The following NDUFA9 variants were observed in gnomAD, a reference collection of about 807,000 sequenced individuals.
The protein encoded by NDUFA9 is NADH:ubiquinone oxidoreductase subunit A9.
A neutral mutation model predicts 45.9 loss-of-function variants in NDUFA9; 23 were observed. That is an observed-to-expected ratio of 0.50 (90% CI 0.36 to 0.71). NDUFA9 has a LOEUF of 0.71. Among genes scored for constraint, NDUFA9 ranks in the 30% least tolerant of loss-of-function variants. NDUFA9 has a pLI of 0.00. For synonymous variants in NDUFA9, 176 were observed against 170.5 expected (o/e 1.03, Z -0.25); for missense variants, 466 against 488.2 (o/e 0.95, Z 0.43).
At chr12:4,681,028 G>A (rs918510658) in intron 8 of NDUFA9, among the ~76,000 whole-genome samples, 2 of 151,992 alleles carry the variant, frequency 1.3e-5, no homozygotes, top group African/African-American at 4.8e-5. Context: ...AGGCAGTACA[G>A]TAAATGATTC....
intron 10 of NDUFA9, among the ~76,000 whole-genome samples, chr12:4,686,081 G>A (rs12302355): frequency 6.6e-6 from 1 of 152,190 alleles, no homozygotes; most frequent in African/African-American, 2.4e-5. Flanking sequence ...CAGGATCGCT[G>A]GTTGTCAGAC....
intron 1 of NDUFA9, among the ~76,000 whole-genome samples, chr12:4,652,168 AG>A (rs1945763527): frequency 6.6e-6 from 1 of 152,128 alleles, no homozygotes; most frequent in Admixed American, 6.6e-5. Flanking sequence ...ACAGTGGGTG[AG>A]CTCCTTCTGT....
chr12:4,665,138 A>G (rs1945845773), intron 6 of NDUFA9, among the ~76,000 whole-genome samples: 1 of 152,198 alleles, frequency 6.6e-6, no homozygotes. Context: ...ACTATTTGTA[A>G]GAGTACAGTT....
At chr12:4,682,118 T>C in intron 8 of NDUFA9, 87 bp from the exon 9 acceptor site, 1 of 1,053,376 alleles carries the variant, frequency 9.5e-7, no homozygotes, top group Non-Finnish European at 1.4e-6. Context: ...ATATGTTTCC[T>C]TTTTTATAAG....
At chr12:4,663,099 G>C (rs773638761) in intron 6 of NDUFA9, among the ~76,000 whole-genome samples, 21 of 152,072 alleles carry the variant, frequency 1.4e-4, no homozygotes, top group Non-Finnish European at 2.5e-4. Flanking sequence ...TTTTTAGGTG[G>C]ACTTCTTTCA....
At chr12:4,674,942 C>T (rs373324456) in intron 8 of NDUFA9, among the ~76,000 whole-genome samples, 4 of 152,034 alleles carry the variant, frequency 2.6e-5, no homozygotes, top group African/African-American at 4.8e-5. Flanking sequence ...TCAGCAAATG[C>T]GAAAGAACAG....
intron 8 of NDUFA9, among the ~76,000 whole-genome samples, chr12:4,674,239 G>A (rs1168563204): frequency 2.0e-5 from 3 of 152,132 alleles, no homozygotes; most frequent in South Asian, 2.1e-4. Flanking sequence ...GACCATTGAC[G>A]CTATGAAGAA....
intron 4 of NDUFA9, 88 bp downstream of exon 4, chr12:4,657,927 T>A: frequency 1.0e-6 from 1 of 1,003,060 alleles, no homozygotes; most frequent in Non-Finnish European, 1.6e-6. Context: ...GTGCCAGCTA[T>A]CACAGTGACA....
chr12:4,652,774 C>T (rs1945767053), intron 1 of NDUFA9, among the ~76,000 whole-genome samples: 1 of 152,202 alleles, frequency 6.6e-6, no homozygotes. Flanking sequence ...GGACACCTGC[C>T]AAGAGCTCTG....
intron 6 of NDUFA9, among the ~76,000 whole-genome samples, chr12:4,666,680 T>C (rs188001193): frequency 1.1e-4 from 17 of 152,358 alleles, no homozygotes; most frequent in African/African-American, 3.4e-4. Context: ...CATTTGACCA[T>C]ATATGCAAGA....
At position 4,654,878 on chromosome 12, in the gene NDUFA9, A is replaced by G; in HGVS notation, c.274A>G (p.Met92Val). The G allele has an allele frequency of 6.2e-7, 1 of 1,614,066 alleles. No homozygotes were observed. Among genetic ancestry groups the G allele is most frequent in the Non-Finnish European group, 8.5e-7 (1 of 1,179,968 alleles). The change falls in exon 3 of 11, where the codon ATG (methionine) becomes GTG (valine). Residue 92 changes from methionine to valine, a missense_variant. By Grantham distance (21) the Met-to-Val change is conservative (BLOSUM62 1). Transcript: ENST00000266544. ...IPYRCDKYDI[M>V]HLRPMGDLGQ... The stretch of plus-strand genomic sequence containing the variant: ...CTATCGGTGTGATAAATATGACATC[A>G]TGCACCTTCGTCCCATGGGTGACCT...
In NDUFA9 at chr12:4,653,272, C is replaced by T. The variant is rs188974712; in HGVS notation, c.50-1020C>T. 3.5e-3 allele frequency among the ~76,000 whole-genome samples: 533 copies of T among 152,296 alleles called. 2 individuals are homozygous for T. The highest frequency in any genetic ancestry group is 0.012 in the African/African-American group (512 of 41,566). On this transcript the variant is annotated intron_variant, in intron 1 of 10. Transcript: ENST00000266544. Reference sequence around the variant, plus strand: ...ATTTAGTGGGGCTATAATTGCTACACTTAATTGTAGAAGAGGGATTAGACT... The same window carrying T: ...ATTTAGTGGGGCTATAATTGCTACATTTAATTGTAGAAGAGGGATTAGACT...
intron 4 of NDUFA9, 44 bp from the exon 5 acceptor site, chr12:4,658,992 G>C: frequency 6.4e-7 from 1 of 1,568,708 alleles, no homozygotes; most frequent in East Asian, 2.2e-5. Flanking sequence ...TTGAGATCCT[G>C]TGTGTGGAGT....
chr12:4,679,958 G>A (rs1309756151), intron 8 of NDUFA9, among the ~76,000 whole-genome samples: 1 of 152,076 alleles, frequency 6.6e-6, no homozygotes, highest in East Asian at 1.9e-4. Context: ...TGCAAATGAG[G>A]GTTTGACCTT....
intron 6 of NDUFA9, among the ~76,000 whole-genome samples, chr12:4,664,096 AAGAG>A (rs897677554): frequency 1.3e-5 from 2 of 152,224 alleles, no homozygotes; most frequent in Non-Finnish European, 2.9e-5. Flanking sequence ...AGAATAGAAA[AAGAG>A]AGAAAGAGGA....
Position 4,654,442 on chromosome 12 carries a change from G to A in NDUFA9, c.200G>A (p.Arg67Gln), listed in dbSNP as rs766569587. Residue 67 changes from arginine to glutamine, a missense_variant, in exon 2 of 11, where the codon CGA (arginine) becomes CAA (glutamine). Transcript: ENST00000266544. ...TVFGATGFLG[R>Q]YVVNHLGRMG... is the part of the protein sequence containing the mutation. ...TTTGGAGCAACAGGATTCCTGGGGC[G>A]ATATGTTGTCAACCACCTTGGTAAG... 4.3e-6 allele frequency: 7 copies of A among 1,613,956 alleles called. No individual in the cohort carries two copies. Among genetic ancestry groups the A allele is most frequent in the Non-Finnish European group, 3.4e-6 (4 of 1,179,972 alleles).
intron 6 of NDUFA9, among the ~76,000 whole-genome samples, chr12:4,665,049 T>G (rs903210603): frequency 2.6e-5 from 4 of 152,204 alleles, no homozygotes; most frequent in Non-Finnish European, 5.9e-5. Context: ...GAGTCTTACC[T>G]ATATCTGATT....
chr12:4,668,162 A>G (rs945434046), intron 6 of NDUFA9, among the ~76,000 whole-genome samples: 1 of 152,226 alleles, frequency 6.6e-6, no homozygotes, highest in Non-Finnish European at 1.5e-5. Flanking sequence ...GGGTGCAGCT[A>G]GAGTCCAGTC....
chr12:4,679,233 G>C (rs1424581176), intron 8 of NDUFA9, among the ~76,000 whole-genome samples: 1 of 152,142 alleles, frequency 6.6e-6, no homozygotes, highest in African/African-American at 2.4e-5. Flanking sequence ...ATTAGTGATT[G>C]CCTGAGCCTG....
Sources: gnomAD v4.1 joint callset for allele counts (sites outside exome capture counted in the v4.1 genomes callset) on GRCh38, gnomAD v4.1.1 for gene constraint, MANE v1.5 for transcripts, NCBI Gene and HGNC (gene_info 2026-07-23, HGNC 2026-07-21) for gene names.